Variants in RAD23B observed in about 807,000 individuals in gnomAD.
RAD23B encodes lysine-specific demethylase RAD23B.
RAD23B carries 5 observed loss-of-function variants against 49.1 expected under a neutral mutation model. The observed-to-expected ratio is 0.10, with a 90% confidence interval of 0.05 to 0.21. The LOEUF is 0.21. RAD23B is among the 10% of genes least tolerant of loss of function. The probability of loss-of-function intolerance (pLI) is 1.00; values close to 1 mark genes in which losing one functional copy is unlikely to be tolerated. For synonymous variants in RAD23B, 184 were observed against 165.4 expected, an observed-to-expected ratio of 1.11 and a Z score of -0.86; for missense variants, 356 against 486.7, an observed-to-expected ratio of 0.73 and a Z score of 2.53.
chr9:107,314,897 T>C (rs945589189), intron 5 of RAD23B, among the ~76,000 whole-genome samples: 1 of 152,216 alleles, frequency 6.6e-6, no homozygotes, highest in Non-Finnish European at 1.5e-5. Flanking sequence ...ATTGGTGATG[T>C]TGAGCATTTT....
chr9:107,304,984 A>G (rs1826731112), intron 3 of RAD23B, among the ~76,000 whole-genome samples: 1 of 152,220 alleles, frequency 6.6e-6, no homozygotes, highest in African/African-American at 2.4e-5. Context: ...AAAGTAAGCT[A>G]GAGAAACTAT....
intron 9 of RAD23B, among the ~76,000 whole-genome samples, chr9:107,325,263 G>A (rs779235272): frequency 1.5e-5 from 2 of 134,644 alleles, no homozygotes; most frequent in African/African-American, 2.8e-5. Flanking sequence ...GCTGTGAGCC[G>A]AGATTGTGCC....
intron 4 of RAD23B, among the ~76,000 whole-genome samples, chr9:107,308,017 G>T (rs371512677): frequency 2.0e-4 from 30 of 151,824 alleles, no homozygotes; most frequent in African/African-American, 6.3e-4. Flanking sequence ...GGGAACTTAC[G>T]CATTTAAAAA....
At chr9:107,289,100 T>TTCCC (rs1234786549) in intron 1 of RAD23B, among the ~76,000 whole-genome samples, 4 of 67,288 alleles carry the variant, frequency 5.9e-5, no homozygotes, top group Non-Finnish European at 5.4e-5. Context: ...TCCTCCCTTC[T>TTCCC]TCCCTCCCTC....
intron 1 of RAD23B, among the ~76,000 whole-genome samples, chr9:107,295,673 G>A (rs1826499378): frequency 6.6e-6 from 1 of 152,166 alleles, no homozygotes; most frequent in Admixed American, 6.5e-5. Flanking sequence ...CTAACTAGGG[G>A]GAACAGAAGA....
chr9:107,319,734 G>A (rs899919317), intron 6 of RAD23B, among the ~76,000 whole-genome samples: 10 of 151,748 alleles, frequency 6.6e-5, no homozygotes, highest in Admixed American at 4.6e-4. Context: ...AGGAGTTGAG[G>A]GACTTTTTGA....
rs372225339 is a variant in RAD23B, at chr9:107,329,499, A to T, written c.1117-44A>T. ...ATATGTAAATAAAATTAAATGTGCC[A>T]TAATTGGTGTGTTGGATTTATATTT... On this transcript the variant is annotated intron_variant, in intron 9 of 9. Coordinates refer to ENST00000358015, the MANE Select transcript of RAD23B (RefSeq NM_002874.5). 725 of 1,189,002 alleles carry T rather than the reference A, an allele frequency of 6.1e-4. 3 individuals carry two copies. Among genetic ancestry groups the T allele is most frequent in the Non-Finnish European group, 7.1e-4 (574 of 814,120 alleles). 73.7% of individuals were successfully genotyped at this position (1,189,002 alleles called of 1,614,324 possible). A position where few individuals can be genotyped will look rare whatever the true frequency, so the allele number is the denominator to read the frequency against.
chr9:107,288,218 G>A (rs1296422093), intron 1 of RAD23B, among the ~76,000 whole-genome samples: 2 of 152,108 alleles, frequency 1.3e-5, no homozygotes, highest in Non-Finnish European at 2.9e-5. Context: ...AACTGGCAAA[G>A]CAGTGATCCC....
chr9:107,293,545 A>G (rs1486527387), intron 1 of RAD23B, among the ~76,000 whole-genome samples: 4 of 152,226 alleles, frequency 2.6e-5, no homozygotes, highest in African/African-American at 4.8e-5. Context: ...TATAGTTACA[A>G]CAGTAATAAG....
chr9:107,305,194 T>TG (rs1826737746), intron 3 of RAD23B, among the ~76,000 whole-genome samples: 1 of 151,688 alleles, frequency 6.6e-6, no homozygotes, highest in South Asian at 2.1e-4. Flanking sequence ...TACCTGGTGT[T>TG]GGGGGCGGGG....
At chr9:107,302,428 A>G (rs1826673690) in intron 3 of RAD23B, among the ~76,000 whole-genome samples, 1 of 152,156 alleles carries the variant, frequency 6.6e-6, no homozygotes, top group South Asian at 2.1e-4. Flanking sequence ...AAATGTCTTT[A>G]TAAGTGGAAT....
chr9:107,284,765 T>C, intron 1 of RAD23B: 1 of 1,099,366 alleles, frequency 9.1e-7, no homozygotes. Flanking sequence ...CTATTTTGGG[T>C]GGAGATCAGG....
At chr9:107,328,458 A>G (rs2133102013) in intron 9 of RAD23B, among the ~76,000 whole-genome samples, 1 of 152,290 alleles carries the variant, frequency 6.6e-6, no homozygotes, top group South Asian at 2.1e-4. Context: ...ATCTCACATC[A>G]TCAGGCATTT....
chr9:107,301,475 A>C (rs1587852108), intron 2 of RAD23B, among the ~76,000 whole-genome samples: 2 of 152,170 alleles, frequency 1.3e-5, no homozygotes, highest in African/African-American at 4.8e-5. Context: ...TACATTTGTA[A>C]AAATTGATTG....
chr9:107,300,034 CATT>C (rs1233171627), intron 1 of RAD23B, 104 bp from the exon 2 acceptor site: 18 of 1,339,652 alleles, frequency 1.3e-5, no homozygotes, highest in Admixed American at 8.8e-5. Context: ...GTTTTGGAAA[CATT>C]AATAATTATG....
intron 6 of RAD23B, among the ~76,000 whole-genome samples, chr9:107,319,572 G>C (rs1019999296): frequency 2.0e-5 from 3 of 152,116 alleles, no homozygotes; most frequent in African/African-American, 7.2e-5. Context: ...TTTGATCCCA[G>C]ATTTTTGCAA....
chr9:107,329,498 C>A, intron 9 of RAD23B, 45 bp from the exon 10 acceptor site: 1 of 1,157,192 alleles, frequency 8.6e-7, no homozygotes. Flanking sequence ...TTAAATGTGC[C>A]ATAATTGGTG....
intron 3 of RAD23B, among the ~76,000 whole-genome samples, chr9:107,304,919 C>A (rs150090624): frequency 6.6e-6 from 1 of 152,092 alleles, no homozygotes. Context: ...TTACTGATAA[C>A]GTAAACAGTG....
rs1206393581 is a variant in RAD23B at position 107,331,105 on chromosome 9, G to T, written c.*1449G>T. ...TTTAACCATCTGATACTAAGAAGAT[G>T]AATTTGCACAGATTTCTCTGCATAA... is the stretch of plus-strand genomic sequence containing the variant. On this transcript the variant is annotated 3_prime_UTR_variant, in exon 10 of 10. Coordinates refer to ENST00000358015, the MANE Select transcript of RAD23B (RefSeq NM_002874.5). 6.6e-6 allele frequency: 1 copy of T among 152,356 alleles called. No homozygotes were observed. Among genetic ancestry groups the T allele is most frequent in the Non-Finnish European group, 1.5e-5 (1 of 68,036 alleles). The allele number at this position is 152,356 out of a possible 1,614,324, so 9.4% of individuals were successfully genotyped here. A position where few individuals can be genotyped will look rare whatever the true frequency, so the allele number is the denominator to read the frequency against.
Sources: gnomAD v4.1 joint callset for allele counts (sites outside exome capture counted in the v4.1 genomes callset) on GRCh38, gnomAD v4.1.1 for gene constraint, MANE v1.5 for transcripts, NCBI Gene and HGNC (gene_info 2026-07-23, HGNC 2026-07-21) for gene names.